CRYBA1: variants seen among roughly 807,000 people sequenced by gnomAD.
CRYBA1 encodes the protein crystallin beta A1, also known as beta-crystallin A3.
A neutral mutation model predicts 36.2 loss-of-function variants in CRYBA1; 25 were observed. That is an observed-to-expected ratio of 0.69 (90% CI 0.50 to 0.97). The LOEUF (loss-of-function observed/expected upper bound fraction) is 0.97. Ranked by LOEUF, CRYBA1 falls within the 50% of genes least tolerant of loss-of-function variation. The pLI is 0.00. For synonymous variants in CRYBA1, 111 were observed against 90.0 expected (o/e 1.23, Z -1.32); for missense variants, 224 against 276.3 (o/e 0.81, Z 1.34).
At chr17:29,253,957 C>T (rs1015075371) in intron 5 of CRYBA1, among the ~76,000 whole-genome samples, 175 bp downstream of exon 5, 17 of 152,152 alleles carry the variant, frequency 1.1e-4, no homozygotes, top group Non-Finnish European at 2.2e-4. Flanking sequence ...AGATTTATCT[C>T]CCCCAGACAT....
chr17:29,250,289 G>A lies in CRYBA1; in HGVS notation c.204G>A (p.Val68=), dbSNP rs748407198. ...RSFDNVRSLK[V]ESGAWIGYEH... ...TTGATAATGTCCGGTCCCTGAAGGT[G>A]GAAAGTGGCGCGTGAGTATGGACTT... Residue 68 remains valine (V), a synonymous_variant, in exon 3 of 6, where the codon GTG becomes GTA. Coordinates refer to ENST00000225387, the MANE Select transcript of CRYBA1 (RefSeq NM_005208.5). 1 of 1,605,030 alleles carries A rather than the reference G, an allele frequency of 6.2e-7. No individual in the cohort carries two copies. The highest frequency in any genetic ancestry group is 8.5e-7 in the Non-Finnish European group (1 of 1,171,656).
intron 3 of CRYBA1, 26 bp downstream of exon 3, chr17:29,250,326 C>T (rs1265597458): frequency 3.8e-6 from 5 of 1,322,930 alleles, no homozygotes; most frequent in Middle Eastern, 1.9e-4. Flanking sequence ...CGCAGAACCG[C>T]AGCCCCTTAT....
Position 29,254,356 on chromosome 17 carries a change from A to G in CRYBA1, c.*7A>G. 1 of 1,614,114 alleles carries G rather than the reference A, an allele frequency of 6.2e-7. No individual in the cohort carries two copies. The highest frequency in any genetic ancestry group is 8.5e-7 in the Non-Finnish European group (1 of 1,179,988). On this transcript the variant is annotated 3_prime_UTR_variant, in exon 6 of 6. Coordinates refer to ENST00000225387, the MANE Select transcript of CRYBA1 (RefSeq NM_005208.5). ...TCGCCGAATCCAACAGTAGCTGATT[A>G]AAAGCTCCAAGTACGATAATTCCTC...
chr17:29,254,410 A>T lies in CRYBA1; in HGVS notation c.*61A>T. On this transcript the variant is annotated 3_prime_UTR_variant, in exon 6 of 6. Coordinates refer to ENST00000225387, the MANE Select transcript of CRYBA1 (RefSeq NM_005208.5). ...CATGAGACCTTGCTAAGCACTCTAGAATAAGTTTTATGTTCTGCTCACAGA... is the reference window on the plus strand; with the variant it reads ...CATGAGACCTTGCTAAGCACTCTAGTATAAGTTTTATGTTCTGCTCACAGA... 6.4e-7 allele frequency: 1 copy of T among 1,554,754 alleles called. No individual in the cohort carries two copies. The highest frequency in any genetic ancestry group is 8.9e-7 in the Non-Finnish European group (1 of 1,126,500).
chr17:29,254,035 A>G (rs777789974), intron 5 of CRYBA1, among the ~76,000 whole-genome samples, 167 bp from the exon 6 acceptor site: 3 of 152,226 alleles, frequency 2.0e-5, no homozygotes, highest in Non-Finnish European at 4.4e-5. Flanking sequence ...TTAACTAGCT[A>G]TAGCCATATT....
rs1183010714 is a variant in CRYBA1, at chr17:29,249,202, G to A, written c.92G>A (p.Trp31Ter). 2 of 1,609,210 alleles carry A rather than the reference G, an allele frequency of 1.2e-6. No homozygotes were observed. Among genetic ancestry groups the A allele is most frequent in the South Asian group, 2.2e-5 (2 of 90,966 alleles). The change falls in exon 2 of 6, where the codon TGG (tryptophan) becomes TAG (stop). Residue 31 changes from tryptophan (W) to a stop codon, truncating the protein, a stop_gained. Coordinates refer to ENST00000225387, the MANE Select transcript of CRYBA1 (RefSeq NM_005208.5). LOFTEE classifies it high-confidence loss of function. ...TNPTPGSLGPWKITIYDQENF... is the reference protein window; with the variant it reads ...TNPTPGSLGP Reference sequence around the variant, plus strand: ...CCTACGCCGGGGTCCCTGGGGCCATGGAAGGTAAGCCCACCCCCATCACAT... The same window carrying A: ...CCTACGCCGGGGTCCCTGGGGCCATAGAAGGTAAGCCCACCCCCATCACAT...
chr17:29,253,846 TG>T (rs2068951438), intron 5 of CRYBA1, 64 bp downstream of exon 5: 6 of 1,574,034 alleles, frequency 3.8e-6, no homozygotes, highest in Non-Finnish European at 5.2e-6. Context: ...TCAATAGTTA[TG>T]TTTTAATCAG....
At chr17:29,247,173 CT>C (rs2068905880) in intron 1 of CRYBA1, among the ~76,000 whole-genome samples, 1 of 152,204 alleles carries the variant, frequency 6.6e-6, no homozygotes, top group Non-Finnish European at 1.5e-5. Context: ...GGAAATGTTG[CT>C]TATTCAGAGA....
At position 29,254,223 on chromosome 17, in the gene CRYBA1, T is replaced by C; in HGVS notation, c.522T>C (p.Pro174=). 6.2e-7 allele frequency: 1 copy of C among 1,614,188 alleles called. No individual in the cohort carries two copies. The highest frequency in any genetic ancestry group is 8.5e-7 in the Non-Finnish European group (1 of 1,180,028). Reference sequence around the variant, plus strand: ...CTAGCTGGGTTTGCTACCAATATCCTGGATATCGTGGGTATCAGTATATCT... The same window carrying C: ...CTAGCTGGGTTTGCTACCAATATCCCGGATATCGTGGGTATCAGTATATCT... ...QSGAWVCYQY[P]GYRGYQYILE... Residue 174 remains proline, a synonymous_variant, in exon 6 of 6, where the codon CCT becomes CCC. Transcript: ENST00000225387.
chr17:29,253,732 C>G lies in CRYBA1; in HGVS notation c.450C>G (p.Ala150=). Residue 150 remains alanine, a synonymous_variant, in exon 5 of 6, where the codon GCC becomes GCG. Transcript: ENST00000225387. The stretch of plus-strand genomic sequence containing the variant: ...CTGACGACTACCCCTCCTTGCAAGC[C>G]ATGGGCTGGTTCAACAACGAAGTCG... ...EISDDYPSLQ[A]MGWFNNEVGS... The G allele has an allele frequency of 6.2e-7, 1 of 1,614,152 alleles. No homozygotes were observed. The highest frequency in any genetic ancestry group is 8.5e-7 in the Non-Finnish European group (1 of 1,180,028).
chr17:29,249,872 G>T (rs540901053), intron 2 of CRYBA1, among the ~76,000 whole-genome samples: 1 of 151,614 alleles, frequency 6.6e-6, no homozygotes, highest in African/African-American at 2.4e-5. Context: ...GCTTATGAAG[G>T]AACTGTGGTG....
intron 3 of CRYBA1, among the ~76,000 whole-genome samples, chr17:29,250,888 C>T (rs887391094): frequency 1.3e-5 from 2 of 152,184 alleles, no homozygotes; most frequent in Non-Finnish European, 2.9e-5. Flanking sequence ...TAGTTGAGGC[C>T]TTTATCATTA....
chr17:29,252,669 C>A (rs1322644233), intron 4 of CRYBA1, among the ~76,000 whole-genome samples: 1 of 152,096 alleles, frequency 6.6e-6, no homozygotes, highest in Non-Finnish European at 1.5e-5. Flanking sequence ...GTTCTGAACA[C>A]TTAAGTATTA....
At chr17:29,251,644 G>A (rs2068935982) in intron 3 of CRYBA1, among the ~76,000 whole-genome samples, 1 of 152,102 alleles carries the variant, frequency 6.6e-6, no homozygotes, top group Non-Finnish European at 1.5e-5. Flanking sequence ...CACCACGCCT[G>A]GCTAATTTTT....
Position 29,254,185 on chromosome 17 carries a change from T to C in CRYBA1, c.501-17T>C, listed in dbSNP as rs1262246279. The C allele has an allele frequency of 6.2e-6, 10 of 1,613,896 alleles. No homozygotes were observed. Among genetic ancestry groups the C allele is most frequent in the Middle Eastern group, 1.7e-4 (1 of 6,052 alleles). ...CCTAATTAGTTTTAATAATGAAATG[T>C]ACTTTGAATTTCCTAGCTGGGTTTG... On this transcript the variant is annotated splice_polypyrimidine_tract_variant and intron_variant, in intron 5 of 5. Transcript: ENST00000225387.
intron 5 of CRYBA1, 147 bp downstream of exon 5, chr17:29,253,929 A>C: frequency 8.6e-7 from 1 of 1,160,138 alleles, no homozygotes; most frequent in Non-Finnish European, 1.2e-6. Context: ...CTTTATACCA[A>C]CTACCACTTT....
Position 29,249,177 on chromosome 17 carries a change from C to G in CRYBA1, c.67C>G (p.Pro23Ala), listed in dbSNP as rs770809646. 4 of 1,613,264 alleles carry G rather than the reference C, an allele frequency of 2.5e-6. No individual in the cohort carries two copies. The highest frequency in any genetic ancestry group is 3.4e-6 in the Non-Finnish European group (4 of 1,179,318). The change falls in exon 2 of 6, where the codon CCT becomes GCT. Residue 23 changes from proline to alanine, a missense_variant. By Grantham distance (27) the Pro-to-Ala change is conservative (BLOSUM62 -1). Coordinates refer to ENST00000225387, the MANE Select transcript of CRYBA1 (RefSeq NM_005208.5). ...AACCACCAAGATGGCTCAGACCAACCCTACGCCGGGGTCCCTGGGGCCATG... is the reference window on the plus strand; with the variant it reads ...AACCACCAAGATGGCTCAGACCAACGCTACGCCGGGGTCCCTGGGGCCATG... ...LPTTKMAQTN[P>A]TPGSLGPWKI...
chr17:29,248,738 C>T (rs1182501988), intron 1 of CRYBA1, among the ~76,000 whole-genome samples: 6 of 151,550 alleles, frequency 4.0e-5, no homozygotes, highest in Admixed American at 2.6e-4. Flanking sequence ...AGGCTGGGCG[C>T]GGTGGATCAC....
At position 29,254,403 on chromosome 17, in the gene CRYBA1, AC is replaced by A; in HGVS notation, c.*55del. On this transcript the variant is annotated 3_prime_UTR_variant, in exon 6 of 6. Coordinates refer to ENST00000225387, the MANE Select transcript of CRYBA1 (RefSeq NM_005208.5). ...CCTCAAGCATGAGACCTTGCTAAGC[AC>A]TCTAGAATAAGTTTTATGTTCTGCT... 2 of 1,578,570 alleles carry A rather than the reference AC, an allele frequency of 1.3e-6. No individual in the cohort carries two copies. Among genetic ancestry groups the A allele is most frequent in the Non-Finnish European group, 1.7e-6 (2 of 1,148,102 alleles).
Sources: allele counts gnomAD v4.1 joint callset (sites outside exome capture counted in the v4.1 genomes callset), GRCh38; gene constraint gnomAD v4.1.1; transcripts MANE v1.5; gene names NCBI Gene and HGNC (gene_info 2026-07-23, HGNC 2026-07-21).